The following INTS7 variants were observed in gnomAD, a reference collection of about 807,000 sequenced individuals.
INTS7 encodes the protein chromosome 1 open reading frame 73.
A neutral mutation model predicts 109.2 loss-of-function variants in INTS7; 46 were observed. That is an observed-to-expected ratio of 0.42 (90% CI 0.33 to 0.54). The LOEUF (loss-of-function observed/expected upper bound fraction) is 0.54, where lower values mean the gene tolerates loss of function less well. Ranked by LOEUF, INTS7 falls within the 20% of genes least tolerant of loss-of-function variation. INTS7 has a pLI of 0.07. For missense variants in INTS7, 929 were observed against 1,132.4 expected (o/e 0.82, Z 2.58); for synonymous variants, 412 against 402.9 (o/e 1.02, Z -0.27).
intron 7 of INTS7, among the ~76,000 whole-genome samples, chr1:212,000,223 G>A (rs1665605189): frequency 6.6e-6 from 1 of 152,178 alleles, no homozygotes; most frequent in South Asian, 2.1e-4. Context: ...TCTTTATGCT[G>A]ATACTAATGA....
intron 7 of INTS7, among the ~76,000 whole-genome samples, chr1:211,993,207 A>T (rs1254061956): frequency 6.6e-6 from 1 of 152,268 alleles, no homozygotes; most frequent in African/African-American, 2.4e-5. Context: ...GAAAAAGATT[A>T]TTACAAGAAC....
intron 16 of INTS7, among the ~76,000 whole-genome samples, chr1:211,965,185 TAA>T (rs199649794): frequency 1.5e-5 from 2 of 137,192 alleles, no homozygotes; most frequent in East Asian, 2.1e-4. Context: ...AACAAGCACA[TAA>T]AAAAAAAAAA....
At chr1:211,962,135 A>G (rs573985524) in intron 16 of INTS7, among the ~76,000 whole-genome samples, 13 of 152,252 alleles carry the variant, frequency 8.5e-5, no homozygotes, top group Non-Finnish European at 1.6e-4. Context: ...CTCATCTCAC[A>G]TGCAATTACA....
chr1:211,978,647 A>ACCCT, intron 10 of INTS7, 136 bp from the exon 11 acceptor site: 1 of 874,568 alleles, frequency 1.1e-6, no homozygotes, highest in Non-Finnish European at 1.7e-6. Context: ...ACTTCATAAG[A>ACCCT]AATATGAGGT....
intron 8 of INTS7, among the ~76,000 whole-genome samples, chr1:211,986,694 A>G (rs1165978188): frequency 2.0e-5 from 3 of 152,142 alleles, no homozygotes; most frequent in Non-Finnish European, 2.9e-5. Context: ...CTACATCACC[A>G]TATCCCCATT....
chr1:211,942,179 C>A lies in INTS7; in HGVS notation c.2602-68G>T. ...TCTTCAGTGCTTACTATGAGTTAGG[C>A]CCTGTTCTAAGAGCTTATTTAGACC... is the stretch of plus-strand genomic sequence containing the variant. On this transcript the variant is annotated intron_variant, in intron 19 of 19. Coordinates refer to ENST00000366994, the MANE Select transcript of INTS7 (RefSeq NM_015434.4). The surrounding 1 kb of genome is among the most constrained non-coding windows in gnomAD (Gnocchi z 4.2). 6.5e-7 allele frequency: 1 copy of A among 1,528,616 alleles called. No homozygotes were observed. Among genetic ancestry groups the A allele is most frequent in the South Asian group, 1.2e-5 (1 of 81,230 alleles). 94.7% of individuals were successfully genotyped at this position (1,528,616 alleles called of 1,614,324 possible). A position where few individuals can be genotyped will look rare whatever the true frequency, so the allele number is the denominator to read the frequency against.
chr1:211,980,309 A>G (rs556288212), intron 10 of INTS7, among the ~76,000 whole-genome samples: 1 of 152,326 alleles, frequency 6.6e-6, no homozygotes, highest in East Asian at 1.9e-4. Context: ...CACCTTAGAC[A>G]AGCTAACGCC....
At chr1:211,966,593 G>T in intron 15 of INTS7, 95 bp from the exon 16 acceptor site, 1 of 736,522 alleles carries the variant, frequency 1.4e-6, no homozygotes, top group Non-Finnish European at 2.3e-6. Flanking sequence ...TTTAATGATT[G>T]CCTAGTGAAG....
At chr1:211,953,956 A>T (rs1663237176) in intron 16 of INTS7, among the ~76,000 whole-genome samples, 1 of 152,166 alleles carries the variant, frequency 6.6e-6, no homozygotes, top group African/African-American at 2.4e-5. Flanking sequence ...CTAGTTCTAG[A>T]TCCCTGAGGA....
chr1:211,972,594 T>G (rs140517350), intron 13 of INTS7, among the ~76,000 whole-genome samples: 17 of 152,324 alleles, frequency 1.1e-4, no homozygotes, highest in African/African-American at 3.6e-4. Flanking sequence ...TGAAGGTGGA[T>G]AGCACCCAAA....
intron 7 of INTS7, among the ~76,000 whole-genome samples, chr1:212,003,174 G>T (rs1571895024): frequency 6.6e-6 from 1 of 152,118 alleles, no homozygotes; most frequent in African/African-American, 2.4e-5. Flanking sequence ...CAATTTCCCA[G>T]AATTGCTGAA....
intron 1 of INTS7, among the ~76,000 whole-genome samples, chr1:212,022,680 C>A (rs773916440): frequency 1.3e-5 from 2 of 152,156 alleles, no homozygotes; most frequent in Non-Finnish European, 2.9e-5. Flanking sequence ...AACTCTCATA[C>A]CTTGTTAGTG....
intron 16 of INTS7, among the ~76,000 whole-genome samples, chr1:211,957,924 A>G (rs1350498290): frequency 1.3e-5 from 2 of 151,886 alleles, no homozygotes; most frequent in African/African-American, 4.8e-5. Flanking sequence ...AGTTTATCAG[A>G]AGTTACTGTC....
At chr1:211,953,647 G>A (rs1571844212) in intron 16 of INTS7, among the ~76,000 whole-genome samples, 1 of 148,680 alleles carries the variant, frequency 6.7e-6, no homozygotes, top group Non-Finnish European at 1.5e-5. Flanking sequence ...GAGAACATGC[G>A]GTGTTTGGTT....
rs1666469144 is a variant in INTS7 at position 212,016,899 on chromosome 1, A to G, written c.496T>C (p.Ser166Pro). ...TTGTAAGCTTACTTTGACTGTGCAG[A>G]GAAGTTTGCAGCAGCAAAAACAGCA... ...EAAVFAAANF[S>P]AQSKDFAVGI... Residue 166 changes from serine (S) to proline (P), a missense_variant, in exon 4 of 20, where the codon TCT becomes CCT. Around this residue, in one of 2 missense-constraint regions of INTS7, gnomAD observed 142 missense variants for 231.4 expected, o/e 0.61. Transcript: ENST00000366994. 6.2e-7 allele frequency: 1 copy of G among 1,606,038 alleles called. No individual in the cohort carries two copies. Among genetic ancestry groups the G allele is most frequent in the African/African-American group, 1.3e-5 (1 of 74,264 alleles).
At chr1:212,002,694 C>G (rs1243202485) in intron 7 of INTS7, among the ~76,000 whole-genome samples, 2 of 152,218 alleles carry the variant, frequency 1.3e-5, no homozygotes, top group African/African-American at 2.4e-5. Flanking sequence ...CCCTAACCAG[C>G]CTACTTAAAA....
At chr1:212,005,060 TG>T (rs1665843573) in intron 7 of INTS7, among the ~76,000 whole-genome samples, 1 of 152,092 alleles carries the variant, frequency 6.6e-6, no homozygotes. Context: ...GAAATTTGCG[TG>T]TGTGAACTGG....
intron 7 of INTS7, among the ~76,000 whole-genome samples, chr1:211,988,432 A>C (rs181564578): frequency 1.6e-3 from 242 of 152,104 alleles, no homozygotes; most frequent in African/African-American, 5.0e-3. Flanking sequence ...AAAAAAAAAA[A>C]AACAAAAAAA....
chr1:212,015,510 A>AAGATGTGTTTTGT (rs1666385371), intron 4 of INTS7, among the ~76,000 whole-genome samples: 1 of 152,038 alleles, frequency 6.6e-6, no homozygotes, highest in South Asian at 2.1e-4. Flanking sequence ...TGAAGGCAGC[A>AAGATGTGTTTTGT]TACTCGTTAA....
Sources: allele counts gnomAD v4.1 joint callset (sites outside exome capture counted in the v4.1 genomes callset), GRCh38; gene constraint gnomAD v4.1.1; regional missense constraint gnomAD v4.1.1; non-coding constraint Gnocchi (gnomAD v3.1); transcripts MANE v1.5; gene names NCBI Gene and HGNC (gene_info 2026-07-23, HGNC 2026-07-21).